The following GMPPB variants were observed in gnomAD, a reference collection of about 807,000 sequenced individuals.
The protein encoded by GMPPB is GDP-mannose pyrophosphorylase B, also known as mannose-1-phosphate guanylyltransferase catalytic subunit beta.
Under a neutral mutation model 40.3 loss-of-function variants are expected in GMPPB, and 38 were observed. The observed-to-expected ratio is 0.94, with a 90% CI of 0.73 to 1.24. The LOEUF is 1.24. GMPPB is among the 50% of genes most tolerant of loss of function. The pLI is 0.00. For missense variants in GMPPB, 436 were observed against 487.1 expected (o/e 0.90, Z 0.99); for synonymous variants, 193 against 191.8 (o/e 1.01, Z -0.05).
rs370438853 is a variant in GMPPB, at chr3:49,720,317, G to GAAAAA, written c.*1430_*1434dup. 3.2e-5 allele frequency: 11 copies of GAAAAA among 345,324 alleles called. No homozygotes were observed. Among genetic ancestry groups the GAAAAA allele is most frequent in the Admixed American group, 5.4e-5 (1 of 18,486 alleles). 21.4% of individuals were successfully genotyped at this position (345,324 alleles called of 1,614,324 possible). A position where few individuals can be genotyped will look rare whatever the true frequency, so the allele number is the denominator to read the frequency against. The stretch of plus-strand genomic sequence containing the variant: ...GGCAACAGAGCGAGACTCGTCTCAA[G>GAAAAA]AAAAAAAAAAAAAAAACAGGCTGTG... On this transcript the variant is annotated 3_prime_UTR_variant, in exon 9 of 9. Transcript: ENST00000308388.
rs2080451848 is a variant in GMPPB, at chr3:49,723,279, G to C, written c.234C>G (p.Ser78=). The change falls in exon 3 of 9, where the codon TCC becomes TCG. Residue 78 remains serine, a synonymous_variant. Transcript: ENST00000308388. ...EQRLGIRISM[S]HEEEPLGTAG... is the part of the protein sequence containing the mutation. ...CTGTCCCCAAAGGCTCCTCTTCATGGGACATGGAGATTCGGATTCCCAGCT... is the reference window on the plus strand; with the variant it reads ...CTGTCCCCAAAGGCTCCTCTTCATGCGACATGGAGATTCGGATTCCCAGCT... 1 of 1,614,020 alleles carries C rather than the reference G, an allele frequency of 6.2e-7. No individual in the cohort carries two copies. Among genetic ancestry groups the C allele is most frequent in the South Asian group, 1.1e-5 (1 of 91,086 alleles).
chr3:49,720,776 T>A lies in GMPPB; in HGVS notation c.*976A>T, dbSNP rs921618986. On this transcript the variant is annotated 3_prime_UTR_variant, in exon 9 of 9. Coordinates refer to ENST00000308388, the MANE Select transcript of GMPPB (RefSeq NM_021971.4). ...CATCACATCCTCAGCTACCTCTGAC[T>A]TGACACTACCTACCACTCCCCAGAT... The A allele has an allele frequency of 6.2e-7, 1 of 1,613,872 alleles. No homozygotes were observed. The highest frequency in any genetic ancestry group is 8.5e-7 in the Non-Finnish European group (1 of 1,179,756).
At chr3:49,722,841 C>T in intron 4 of GMPPB, 87 bp from the exon 5 acceptor site, 2 of 1,522,428 alleles carry the variant, frequency 1.3e-6, no homozygotes, top group Non-Finnish European at 1.8e-6. Context: ...GAGACTCTGC[C>T]CCAAGTGCTT....
Position 49,723,094 on chromosome 3 carries a change from G to C in GMPPB, c.280C>G (p.Arg94Gly), listed in dbSNP as rs765169109. The C allele has an allele frequency of 1.9e-6, 3 of 1,613,908 alleles. No individual in the cohort carries two copies. Among genetic ancestry groups the C allele is most frequent in the East Asian group, 2.2e-5 (1 of 44,876 alleles). ...LGTAGPLALA[R>G]DLLSETADPF... The stretch of plus-strand genomic sequence containing the variant: ...TCTGCAGTCTCAGAGAGTAGGTCAC[G>C]GGCCAGCGCCAGGGGCCCAGCTGGG... The change falls in exon 4 of 9, where the codon CGT becomes GGT. Residue 94 changes from arginine (R) to glycine (G), a missense_variant. By Grantham distance (125) the Arg-to-Gly change is moderately radical. Transcript: ENST00000308388.
chr3:49,720,366 C>A lies in GMPPB; in HGVS notation c.*1386G>T. 1.4e-6 allele frequency: 1 copy of A among 729,420 alleles called. No homozygotes were observed. Among genetic ancestry groups the A allele is most frequent in the Non-Finnish European group, 2.0e-6 (1 of 490,712 alleles). The allele number at this position is 729,420 out of a possible 1,614,324, so 45.2% of individuals were successfully genotyped here. ...TGTGGCACCTTACTAGAATACAGGA[C>A]TTGGGGTTTGGGAAGCAGGGAGACG... On this transcript the variant is annotated 3_prime_UTR_variant, in exon 9 of 9. Transcript: ENST00000308388.
At position 49,723,902 on chromosome 3, in the gene GMPPB, G is replaced by A. The variant is rs1049721010; in HGVS notation, c.-176C>T. Reference sequence around the variant, plus strand: ...TCGCCCTGACGCCGGATCCAGGGCCGCCACAACACAGAACGCGACACCGGG... The same window carrying A: ...TCGCCCTGACGCCGGATCCAGGGCCACCACAACACAGAACGCGACACCGGG... On this transcript the variant is annotated 5_prime_UTR_variant, in exon 1 of 9. Transcript: ENST00000308388. 1.1e-5 allele frequency: 7 copies of A among 658,686 alleles called. No homozygotes were observed. The highest frequency in any genetic ancestry group is 1.7e-5 in the Non-Finnish European group (7 of 408,454). 40.8% of individuals were successfully genotyped at this position (658,686 alleles called of 1,614,324 possible). A position where few individuals can be genotyped will look rare whatever the true frequency, so the allele number is the denominator to read the frequency against.
rs533775727 is a variant in GMPPB at position 49,719,984 on chromosome 3, TCTCA to T, written c.*1764_*1767del. 98 of 162,614 alleles carry T rather than the reference TCTCA, an allele frequency of 6.0e-4. No individual in the cohort carries two copies. Among genetic ancestry groups the T allele is most frequent in the African/African-American group, 1.8e-3 (77 of 41,678 alleles). 10.1% of individuals were successfully genotyped at this position (162,614 alleles called of 1,614,324 possible). A position where few individuals can be genotyped will look rare whatever the true frequency, so the allele number is the denominator to read the frequency against. ...TGATAATATTATGGGGCAGGCAGAC[TCTCA>T]CTATCTTAAGGTGGTTCGCCTGAGC... On this transcript the variant is annotated 3_prime_UTR_variant, in exon 9 of 9. Transcript: ENST00000308388.
At position 49,721,731 on chromosome 3, in the gene GMPPB, G is replaced by A. The variant is rs372660006; in HGVS notation, c.*21C>T. ...CTTGCTGATGGGAAAACCGGGGCTCGGCCAGCCCCACTGCATCCCCTCACA... is the reference window on the plus strand; with the variant it reads ...CTTGCTGATGGGAAAACCGGGGCTCAGCCAGCCCCACTGCATCCCCTCACA... On this transcript the variant is annotated 3_prime_UTR_variant, in exon 9 of 9. Transcript: ENST00000308388. 36 of 1,577,778 alleles carry A rather than the reference G, an allele frequency of 2.3e-5. No homozygotes were observed. The highest frequency in any genetic ancestry group is 1.7e-4 in the Middle Eastern group (1 of 5,960).
rs2080461913 is a variant in GMPPB at position 49,723,743 on chromosome 3, GA to G, written c.-18del. Reference sequence around the variant, plus strand: ...TGCCTTCATCGCGCCTGCGGACGTTGAGGGGGTGTCCCGGGCTCTGAGGTGC... The same window carrying G: ...TGCCTTCATCGCGCCTGCGGACGTTGGGGGGTGTCCCGGGCTCTGAGGTGC... On this transcript the variant is annotated 5_prime_UTR_variant, in exon 1 of 9. Coordinates refer to ENST00000308388, the MANE Select transcript of GMPPB (RefSeq NM_021971.4). The G allele has an allele frequency of 6.3e-7, 1 of 1,576,752 alleles. No individual in the cohort carries two copies. The highest frequency in any genetic ancestry group is 8.6e-7 in the Non-Finnish European group (1 of 1,167,340).
rs875989850 is a variant in GMPPB at position 49,722,239 on chromosome 3, C to G, written c.760G>C (p.Val254Leu). ...LCSGPGIVGN[V>L]LVDPSARIGQ... ...CTGGGCAAGGGCCTCACCACCAGCA[C>G]GTTGCCCACAATGCCAGGGCCTGAG... The change falls in exon 7 of 9, where the codon GTG becomes CTG. Residue 254 changes from valine (V) to leucine (L), a missense_variant. Coordinates refer to ENST00000308388, the MANE Select transcript of GMPPB (RefSeq NM_021971.4). 6.2e-7 allele frequency: 1 copy of G among 1,613,134 alleles called. No individual in the cohort carries two copies. Among genetic ancestry groups the G allele is most frequent in the Non-Finnish European group, 8.5e-7 (1 of 1,179,630 alleles).
chr3:49,723,463 C>T lies in GMPPB; in HGVS notation c.139G>A (p.Asp47Asn). Residue 47 changes from aspartate to asparagine, a missense_variant, in exon 2 of 9, where the codon GAC becomes AAC. Coordinates refer to ENST00000308388, the MANE Select transcript of GMPPB (RefSeq NM_021971.4). ...QVEALAAAGV[D>N]HVILAVSYMS... ...TAGCTCACGGCCAGGATCACGTGGT[C>T]CACGCCTGCCTGTCAGAACGCAGGC... is the stretch of plus-strand genomic sequence containing the variant. 2 of 1,613,810 alleles carry T rather than the reference C, an allele frequency of 1.2e-6. No individual in the cohort carries two copies. The highest frequency in any genetic ancestry group is 8.5e-7 in the Non-Finnish European group (1 of 1,180,036).
chr3:49,723,925 G>A lies in GMPPB; in HGVS notation c.-199C>T, dbSNP rs1216259600. The A allele has an allele frequency of 3.8e-6, 2 of 527,780 alleles. No homozygotes were observed. The highest frequency in any genetic ancestry group is 6.4e-6 in the Non-Finnish European group (2 of 312,984). 32.7% of individuals were successfully genotyped at this position (527,780 alleles called of 1,614,324 possible). Reference sequence around the variant, plus strand: ...CCGCCACAACACAGAACGCGACACCGGGTAGACGGCTGCTGGCCCCGAACT... The same window carrying A: ...CCGCCACAACACAGAACGCGACACCAGGTAGACGGCTGCTGGCCCCGAACT... On this transcript the variant is annotated 5_prime_UTR_variant, in exon 1 of 9. Coordinates refer to ENST00000308388, the MANE Select transcript of GMPPB (RefSeq NM_021971.4).
chr3:49,723,151 T>C (rs1283982906), intron 3 of GMPPB, 37 bp from the exon 4 acceptor site: 4 of 1,612,756 alleles, frequency 2.5e-6, no homozygotes, highest in Non-Finnish European at 3.4e-6. Context: ...TTGCTGGAGG[T>C]CTGAGTCCCT....
chr3:49,723,640 G>A lies in GMPPB; in HGVS notation c.87C>T (p.Cys29=). The A allele has an allele frequency of 6.3e-7, 1 of 1,583,978 alleles. No homozygotes were observed. Among genetic ancestry groups the A allele is most frequent in the Non-Finnish European group, 8.6e-7 (1 of 1,165,332 alleles). The change falls in exon 1 of 9, where the codon TGC becomes TGT. Residue 29 remains cysteine (C), a synonymous_variant. Transcript: ENST00000308388. ...CTTGGTGCAGCAAGATGGGCTTATT[G>A]CAGAAGTCCACCAGTGGCTTCGGGG... is the stretch of plus-strand genomic sequence containing the variant. ...LSTPKPLVDF[C]NKPILLHQVE...
chr3:49,722,626 G>T lies in GMPPB; in HGVS notation c.531C>A (p.Ile177=), dbSNP rs140427047. 112 of 1,614,110 alleles carry T rather than the reference G, an allele frequency of 6.9e-5. No homozygotes were observed. The highest frequency in any genetic ancestry group is 9.0e-5 in the Non-Finnish European group (106 of 1,180,004). Residue 177 remains isoleucine, a synonymous_variant, in exon 5 of 9, where the codon ATC becomes ATA. Coordinates refer to ENST00000308388, the MANE Select transcript of GMPPB (RefSeq NM_021971.4). ...VSNKINAGMY[I]LSPAVLQRIQ... The stretch of plus-strand genomic sequence containing the variant: ...TGCGCTGCAGCACTGCAGGGCTCAG[G>T]ATGTACATGCCTGCGTTGATCTTAT...
rs1463064262 is a variant in GMPPB, at chr3:49,720,889, T to C, written c.*863A>G. On this transcript the variant is annotated 3_prime_UTR_variant, in exon 9 of 9. Transcript: ENST00000308388. The stretch of plus-strand genomic sequence containing the variant: ...TGCATCTGCCCAGGCAGCAGCTGCC[T>C]CCCTGGTGAGTGGGAACACGGTGCA... 6.2e-7 allele frequency: 1 copy of C among 1,614,074 alleles called. No homozygotes were observed. The highest frequency in any genetic ancestry group is 1.7e-5 in the Admixed American group (1 of 60,012).
chr3:49,721,492 T>C lies in GMPPB; in HGVS notation c.*260A>G, dbSNP rs2080406871. On this transcript the variant is annotated 3_prime_UTR_variant, in exon 9 of 9. Transcript: ENST00000308388. ...AATTGTGCCTGAGCTTGACTTTCAGTCAGGGCCACAGTGAGCATTAAATTA... is the reference window on the plus strand; with the variant it reads ...AATTGTGCCTGAGCTTGACTTTCAGCCAGGGCCACAGTGAGCATTAAATTA... The C allele has an allele frequency of 3.4e-6, 3 of 889,752 alleles. No homozygotes were observed. In the East Asian group the frequency reaches 7.3e-5, roughly 22 times the overall value. 55.1% of individuals were successfully genotyped at this position (889,752 alleles called of 1,614,324 possible).
In GMPPB at chr3:49,720,801, T is replaced by C; in HGVS notation, c.*951A>G. 1 of 1,614,150 alleles carries C rather than the reference T, an allele frequency of 6.2e-7. No homozygotes were observed. Among genetic ancestry groups the C allele is most frequent in the Non-Finnish European group, 8.5e-7 (1 of 1,180,006 alleles). ...TTGACACTACCTACCACTCCCCAGA[T>C]GCGGATTATATCAGTGCCGATGAGC... On this transcript the variant is annotated 3_prime_UTR_variant, in exon 9 of 9. Coordinates refer to ENST00000308388, the MANE Select transcript of GMPPB (RefSeq NM_021971.4).
Position 49,721,380 on chromosome 3 carries a change from C to A in GMPPB, c.*372G>T. On this transcript the variant is annotated 3_prime_UTR_variant, in exon 9 of 9. Coordinates refer to ENST00000308388, the MANE Select transcript of GMPPB (RefSeq NM_021971.4). Reference sequence around the variant, plus strand: ...AGGCTGGGCCCTATTTATGAGCTCCCTTTGCCCTTCTCCTGTATCCCACAC... The same window carrying A: ...AGGCTGGGCCCTATTTATGAGCTCCATTTGCCCTTCTCCTGTATCCCACAC... 6.3e-7 allele frequency: 1 copy of A among 1,586,572 alleles called. No homozygotes were observed. Among genetic ancestry groups the A allele is most frequent in the Non-Finnish European group, 8.7e-7 (1 of 1,155,400 alleles).
Sources: gnomAD v4.1 joint callset for allele counts on GRCh38, gnomAD v4.1.1 for gene constraint, MANE v1.5 for transcripts, NCBI Gene and HGNC (gene_info 2026-07-23, HGNC 2026-07-21) for gene names.